The following LAMC2 variants were observed in gnomAD, a reference collection of about 807,000 sequenced individuals.
LAMC2 encodes laminin subunit gamma-2.
In LAMC2, 97 loss-of-function variants were observed where a neutral mutation model predicts 140.2. The observed-to-expected ratio is 0.69, with a 90% CI of 0.59 to 0.82. The LOEUF (loss-of-function observed/expected upper bound fraction) is 0.82. LAMC2 is among the 40% of genes least tolerant of loss of function. LAMC2 has a pLI of 0.00. For missense variants in LAMC2, 1,402 were observed against 1,476.1 expected, an observed-to-expected ratio of 0.95 and a Z score of 0.82; for synonymous variants, 513 against 540.2, an observed-to-expected ratio of 0.95 and a Z score of 0.70.
chr1:183,215,359 ACGGAGCACCCATAGGGTGATAGTTG>A, intron 2 of LAMC2, 69 bp from the exon 3 acceptor site: 1 of 1,420,716 alleles, frequency 7.0e-7, no homozygotes, highest in Non-Finnish European at 9.8e-7. Context: ...CTTCGTGTTT[ACGGAGCACCCATAGGGTGATAGTTG>A]CTTCCAATGC....
chr1:183,193,236 G>A (rs1033164334), intron 1 of LAMC2, among the ~76,000 whole-genome samples: 5 of 152,186 alleles, frequency 3.3e-5, no homozygotes, highest in Middle Eastern at 3.2e-3. Flanking sequence ...AAATTACCAA[G>A]TTTTCTCTTC....
At chr1:183,222,673 A>G (rs1470166827) in intron 6 of LAMC2, among the ~76,000 whole-genome samples, 1 of 151,708 alleles carries the variant, frequency 6.6e-6, no homozygotes, top group African/African-American at 2.4e-5. Context: ...CTTAGCTCAT[A>G]TGTGATTCTT....
At chr1:183,231,784 GATCT>G (rs1659807419) in intron 12 of LAMC2, among the ~76,000 whole-genome samples, 2 of 152,188 alleles carry the variant, frequency 1.3e-5, no homozygotes, top group Non-Finnish European at 2.9e-5. Flanking sequence ...TTTTCAAACT[GATCT>G]ATTTAACAAG....
Position 183,186,294 on chromosome 1 carries a change from C to A in LAMC2, c.-59C>A, listed in dbSNP as rs549343759. ...GGAGCGCAGAGTGAGAACCACCAAC[C>A]GAGGCGCCGGGCAGCGACCCCTGCA... On this transcript the variant is annotated 5_prime_UTR_variant, in exon 1 of 23. Transcript: ENST00000264144. The A allele has an allele frequency of 4.5e-6, 7 of 1,542,312 alleles. No homozygotes were observed. In the East Asian group the frequency reaches 1.7e-4, roughly 36 times the overall value.
chr1:183,224,673 T>TACAC (rs3064952), intron 7 of LAMC2, among the ~76,000 whole-genome samples: 1,974 of 147,974 alleles, frequency 0.013, 30 homozygotes, highest in East Asian at 0.057. Context: ...GTTCTAATGA[T>TACAC]ACACACACAC....
At chr1:183,223,888 C>T (rs2021957) in intron 7 of LAMC2, among the ~76,000 whole-genome samples, 39,156 of 151,860 alleles carry the variant, frequency 0.26, 5,835 homozygotes, top group African/African-American at 0.39. Flanking sequence ...CAGTATCCTG[C>T]AGAATAGGGA....
At chr1:183,189,187 G>C (rs923935160) in intron 1 of LAMC2, among the ~76,000 whole-genome samples, 6 of 152,180 alleles carry the variant, frequency 3.9e-5, no homozygotes, top group African/African-American at 1.4e-4. Flanking sequence ...GTGTGTTAGG[G>C]ATATGAGTAT....
chr1:183,191,498 C>CTTTTT (rs58871555), intron 1 of LAMC2, among the ~76,000 whole-genome samples: 1 of 138,888 alleles, frequency 7.2e-6, no homozygotes, highest in Non-Finnish European at 1.5e-5. Context: ...AACTTACTGA[C>CTTTTT]TTTTTTTTTT....
In LAMC2 at chr1:183,227,547, A is replaced by T; in HGVS notation, c.1318A>T (p.Ile440Phe). ...DCYSGDENPD[I>F]ECADCPIGFY... is the part of the protein sequence containing the mutation. Reference sequence around the variant, plus strand: ...TTATTCAGGGGATGAGAATCCTGACATTGAGTGTGCTGACTGCCCAATTGG... The same window carrying T: ...TTATTCAGGGGATGAGAATCCTGACTTTGAGTGTGCTGACTGCCCAATTGG... The change falls in exon 10 of 23, where the codon ATT becomes TTT. Residue 440 changes from isoleucine to phenylalanine, a missense_variant. Physicochemically the swap from Ile to Phe is conservative, Grantham distance 21. Transcript: ENST00000264144. The T allele has an allele frequency of 6.2e-7, 1 of 1,614,154 alleles. No homozygotes were observed. The highest frequency in any genetic ancestry group is 8.5e-7 in the Non-Finnish European group (1 of 1,180,026).
In LAMC2 at chr1:183,235,569, T is replaced by C. The variant is rs762487943; in HGVS notation, c.2301-6T>C. 1 of 1,614,178 alleles carries C rather than the reference T, an allele frequency of 6.2e-7. No individual in the cohort carries two copies. Among genetic ancestry groups the C allele is most frequent in the East Asian group, 2.2e-5 (1 of 44,868 alleles). On this transcript the variant is annotated splice_region_variant and splice_polypyrimidine_tract_variant and intron_variant, in intron 15 of 22. Transcript: ENST00000264144. ...ACTCTTATTCTTTTGTTTTTAATCCTTTCAGCCACGTTGAGTCAGCCAGTA... is the reference window on the plus strand; with the variant it reads ...ACTCTTATTCTTTTGTTTTTAATCCCTTCAGCCACGTTGAGTCAGCCAGTA...
At chr1:183,230,588 T>C (rs1288487890) in intron 11 of LAMC2, among the ~76,000 whole-genome samples, 1 of 152,206 alleles carries the variant, frequency 6.6e-6, no homozygotes, top group Non-Finnish European at 1.5e-5. Flanking sequence ...GGCAAATTAG[T>C]CAACTTCCCT....
intron 12 of LAMC2, among the ~76,000 whole-genome samples, 163 bp from the exon 13 acceptor site, chr1:183,232,024 T>C (rs1006689224): frequency 1.3e-5 from 2 of 152,212 alleles, no homozygotes; most frequent in Non-Finnish European, 2.9e-5. Context: ...AGGCCAGGAT[T>C]CAAACTCAAG....
chr1:183,236,162 G>A (rs1659954490), intron 16 of LAMC2, among the ~76,000 whole-genome samples: 1 of 151,912 alleles, frequency 6.6e-6, no homozygotes, highest in South Asian at 2.1e-4. Flanking sequence ...AAATAATTTT[G>A]TTTGGTTCTT....
chr1:183,209,917 G>T, intron 2 of LAMC2, among the ~76,000 whole-genome samples: 1 of 152,168 alleles, frequency 6.6e-6, no homozygotes, highest in East Asian at 1.9e-4. Context: ...TTGGGTAATA[G>T]ATATCCCAGA....
the LAMC2 span, among the ~76,000 whole-genome samples, chr1:183,257,038 C>T: frequency 6.6e-6 from 1 of 152,130 alleles, no homozygotes; most frequent in Non-Finnish European, 1.5e-5. Flanking sequence ...AGGCATGAGC[C>T]ACTGTGCCTG....
intron 20 of LAMC2, 176 bp downstream of exon 20, chr1:183,239,739 GT>G (rs967295615): frequency 7.6e-6 from 5 of 660,744 alleles, no homozygotes; most frequent in African/African-American, 1.8e-5. Flanking sequence ...AGAATGATGT[GT>G]TTTTTTGTCC....
chr1:183,197,323 A>G (rs1301376052), intron 1 of LAMC2, among the ~76,000 whole-genome samples: 1 of 152,232 alleles, frequency 6.6e-6, no homozygotes, highest in Admixed American at 6.5e-5. Flanking sequence ...AGGCATGGCA[A>G]TCATAAGTTT....
At position 183,235,688 on chromosome 1, in the gene LAMC2, G is replaced by A; in HGVS notation, c.2414G>A (p.Ser805Asn). Residue 805 changes from serine to asparagine, a missense_variant, in exon 16 of 23, where the codon AGC (serine) becomes AAC (asparagine). Physicochemically the swap from Ser to Asn is conservative, Grantham distance 46. Around this residue, in one of 3 missense-constraint regions of LAMC2, gnomAD observed 670 missense variants for 667.2 expected, o/e 1.00. Transcript: ENST00000264144. ...KALHEGVGSG[S>N]GSPDGAVVQG... ...CTGCATGAAGGAGTCGGAAGCGGAA[G>A]CGGTAGCCCGGACGGTGCTGTGGTG... The A allele has an allele frequency of 6.2e-7, 1 of 1,614,242 alleles. No individual in the cohort carries two copies. The highest frequency in any genetic ancestry group is 8.5e-7 in the Non-Finnish European group (1 of 1,180,042).
chr1:183,196,126 A>C (rs1658504183), intron 1 of LAMC2, among the ~76,000 whole-genome samples: 1 of 142,204 alleles, frequency 7.0e-6, no homozygotes, highest in South Asian at 2.3e-4. Flanking sequence ...ATAATTATTT[A>C]TTTTTGATAA....
Sources: allele counts gnomAD v4.1 joint callset (sites outside exome capture counted in the v4.1 genomes callset), GRCh38; gene constraint gnomAD v4.1.1; regional missense constraint gnomAD v4.1.1; transcripts MANE v1.5; gene names NCBI Gene and HGNC (gene_info 2026-07-23, HGNC 2026-07-21).